RCSD1: variants seen among roughly 807,000 people sequenced by gnomAD.
The protein encoded by RCSD1 is capZ-interacting protein.
Under a neutral mutation model 42.5 loss-of-function variants are expected in RCSD1, and 26 were observed. The observed-to-expected ratio is 0.61, with a 90% CI of 0.45 to 0.85. RCSD1 has a LOEUF of 0.85. RCSD1 is among the 40% of genes least tolerant of loss of function. The pLI is 0.00. For synonymous variants in RCSD1, 220 were observed against 212.2 expected, an observed-to-expected ratio of 1.04 and a Z score of -0.32; for missense variants, 571 against 528.3, an observed-to-expected ratio of 1.08 and a Z score of -0.79.
chr1:167,637,599 A>G (rs1657891646), intron 1 of RCSD1, among the ~76,000 whole-genome samples: 1 of 152,150 alleles, frequency 6.6e-6, no homozygotes, highest in African/African-American at 2.4e-5. Flanking sequence ...GGCCTGCCCC[A>G]AAGGCTCCTG....
Position 167,688,942 on chromosome 1 carries a change from CAT to C in RCSD1, c.199-1106_199-1105del, listed in dbSNP as rs572000004. Among the ~76,000 whole-genome samples, 177 of 152,300 alleles carry C rather than the reference CAT, an allele frequency of 1.2e-3. 1 individual carries two copies. The highest frequency in any genetic ancestry group is 3.7e-3 in the African/African-American group (155 of 41,568). On this transcript the variant is annotated intron_variant, in intron 3 of 6. Transcript: ENST00000367854. ...CATCCTATCACTGTCACCATTCTCA[CAT>C]GTTTGTGGGGATTTTACGCAAAACA...
At chr1:167,680,700 T>C (rs1017875369) in intron 1 of RCSD1, among the ~76,000 whole-genome samples, 1 of 152,192 alleles carries the variant, frequency 6.6e-6, no homozygotes, top group Non-Finnish European at 1.5e-5. Context: ...CTCGAACTCC[T>C]GAGCTCAAGA....
rs114646659 is a variant in RCSD1 at position 167,649,269 on chromosome 1, T to C, written c.6+18840T>C. Among the ~76,000 whole-genome samples, 732 of 152,044 alleles carry C rather than the reference T, an allele frequency of 4.8e-3. 7 individuals are homozygous for C. The highest frequency in any genetic ancestry group is 0.017 in the African/African-American group (702 of 41,472). On this transcript the variant is annotated intron_variant, in intron 1 of 6. Coordinates refer to ENST00000367854, the MANE Select transcript of RCSD1 (RefSeq NM_052862.4). ...GTGTGCAGGATCCAACCAGATTGAG[T>C]TGGTAAGCCAGGCAAGACCTCGAGA...
chr1:167,697,038 G>C, intron 5 of RCSD1, 61 bp from the exon 6 acceptor site: 1 of 1,512,064 alleles, frequency 6.6e-7, no homozygotes, highest in Admixed American at 1.9e-5. Flanking sequence ...AGTGCATACA[G>C]TCCTCCTCTT....
In RCSD1 at chr1:167,668,736, TAAAAAA is replaced by T. The variant is rs57523926; in HGVS notation, c.7-15152_7-15147del. Among the ~76,000 whole-genome samples the T allele has an allele frequency of 3.1e-5, 4 of 130,430 alleles. No homozygotes were observed. In the East Asian group the frequency reaches 8.4e-4, roughly 28 times the overall value. The allele number at this position is 130,430 out of a possible 152,430, so 85.6% of individuals were successfully genotyped here. On this transcript the variant is annotated intron_variant, in intron 1 of 6. Transcript: ENST00000367854. Reference sequence around the variant, plus strand: ...ATGAATGAATATGTCCAAGATGTACTAAAAAAAAAAAAAAAAAGAGGGAGCTGCCAA... The same window carrying T: ...ATGAATGAATATGTCCAAGATGTACTAAAAAAAAAAAGAGGGAGCTGCCAA...
intron 1 of RCSD1, among the ~76,000 whole-genome samples, chr1:167,682,668 A>AGTGT (rs10607777): frequency 0.11 from 15,472 of 142,542 alleles, 836 homozygotes; most frequent in African/African-American, 0.12. Flanking sequence ...GCCATGGAAG[A>AGTGT]GTGTGTGTGT....
At position 167,684,482 on chromosome 1, in the gene RCSD1, G is replaced by A. The variant is rs573907356; in HGVS notation, c.108+481G>A. Among the ~76,000 whole-genome samples, 10 of 151,206 alleles carry A rather than the reference G, an allele frequency of 6.6e-5. No homozygotes were observed. In the East Asian group the frequency reaches 1.6e-3, roughly 24 times the overall value. On this transcript the variant is annotated intron_variant, in intron 2 of 6. Transcript: ENST00000367854. ...CAGGGATCAGGAAGGAAGAGCGTCCGGTGACCAGTAGAGGAAAGTGTGACA... is the reference window on the plus strand; with the variant it reads ...CAGGGATCAGGAAGGAAGAGCGTCCAGTGACCAGTAGAGGAAAGTGTGACA...
At position 167,645,749 on chromosome 1, in the gene RCSD1, G is replaced by C. The variant is rs549702784; in HGVS notation, c.6+15320G>C. Among the ~76,000 whole-genome samples, 4 of 152,338 alleles carry C rather than the reference G, an allele frequency of 2.6e-5. No homozygotes were observed. The South Asian group carries it at 8.3e-4, about 32-fold the overall frequency. ...GTGGAAGACCTCTTAACCCACATGT[G>C]TGGGTGTGGGTGCACATGTGTGTGC... On this transcript the variant is annotated intron_variant, in intron 1 of 6. Coordinates refer to ENST00000367854, the MANE Select transcript of RCSD1 (RefSeq NM_052862.4).
In RCSD1 at chr1:167,697,133, C is replaced by T. The variant is rs1659515157; in HGVS notation, c.509C>T (p.Pro170Leu). ...RTRGSIKRRP[P>L]SRRFRRSQSD... ...AGGGGCTCAATAAAAAGGCGCCCTC[C>T]CTCCAGGCGATTCCGAAGGTCACAG... The change falls in exon 6 of 7, where the codon CCC (proline) becomes CTC (leucine). Residue 170 changes from proline (P) to leucine (L), a missense_variant. Pro to Leu is a moderately conservative substitution (Grantham distance 98). Transcript: ENST00000367854. 6.2e-7 allele frequency: 1 copy of T among 1,613,786 alleles called. No homozygotes were observed. The highest frequency in any genetic ancestry group is 8.5e-7 in the Non-Finnish European group (1 of 1,179,890).
rs559617852 is a variant in RCSD1 at position 167,707,732 on chromosome 1, TCA to T, written c.*3039_*3040del. Among the ~76,000 whole-genome samples the T allele has an allele frequency of 1.6e-4, 25 of 152,100 alleles. No individual in the cohort carries two copies. Among genetic ancestry groups the T allele is most frequent in the Non-Finnish European group, 3.2e-4 (22 of 68,028 alleles). Reference sequence around the variant, plus strand: ...CTCAGGCTGGAGTGCAGTGGCACAATCACAGTTCACTGCAACCTCTGCCTCCT... The same window carrying T: ...CTCAGGCTGGAGTGCAGTGGCACAATCAGTTCACTGCAACCTCTGCCTCCT... On this transcript the variant is annotated 3_prime_UTR_variant, in exon 7 of 7. Coordinates refer to ENST00000367854, the MANE Select transcript of RCSD1 (RefSeq NM_052862.4).
intron 1 of RCSD1, among the ~76,000 whole-genome samples, chr1:167,646,462 A>AAT (rs1658149381): frequency 6.6e-6 from 1 of 151,796 alleles, no homozygotes; most frequent in Non-Finnish European, 1.5e-5. Flanking sequence ...AAAAAAAAAA[A>AAT]AAAAGAAGTA....
Position 167,705,054 on chromosome 1 carries a change from T to TGACCTCCG in RCSD1, c.*358_*359insGACCTCCG, listed in dbSNP as rs1417325647. ...ATCCACACCCACCTATCCCTGCAGC[T>TGACCTCCG]AATTTAGCTGATCTCTAATTTAACT... On this transcript the variant is annotated 3_prime_UTR_variant, in exon 7 of 7. Transcript: ENST00000367854. 5.0e-5 allele frequency: 5 copies of TGACCTCCG among 100,346 alleles called. No individual in the cohort carries two copies. Among genetic ancestry groups the TGACCTCCG allele is most frequent in the Admixed American group, 1.0e-4 (1 of 9,534 alleles). The allele number at this position is 100,346 out of a possible 1,614,324, so 6.2% of individuals were successfully genotyped here. A position where few individuals can be genotyped will look rare whatever the true frequency, so the allele number is the denominator to read the frequency against.
chr1:167,682,642 T>C (rs1312910534), intron 1 of RCSD1, among the ~76,000 whole-genome samples: 1 of 151,370 alleles, frequency 6.6e-6, no homozygotes, highest in Non-Finnish European at 1.5e-5. Context: ...GACACCACTT[T>C]TAGCACAAAA....
rs368340531 is a variant in RCSD1, at chr1:167,697,448, A to T, written c.824A>T (p.His275Leu). ...AGTTCAGAGGAGGTGGACGGCCAGC[A>T]CCCGGCCCAAGAGGAGGTCCCGGAA... ...RRSSEEVDGQ[H>L]PAQEEVPESP... The change falls in exon 6 of 7, where the codon CAC becomes CTC. Residue 275 changes from histidine to leucine, a missense_variant. Transcript: ENST00000367854. The T allele has an allele frequency of 6.2e-7, 1 of 1,611,536 alleles. No homozygotes were observed. The highest frequency in any genetic ancestry group is 1.1e-5 in the South Asian group (1 of 90,714).
At position 167,668,121 on chromosome 1, in the gene RCSD1, G is replaced by A. The variant is rs932462043; in HGVS notation, c.7-15779G>A. On this transcript the variant is annotated intron_variant, in intron 1 of 6. Transcript: ENST00000367854. The stretch of plus-strand genomic sequence containing the variant: ...GCCTGGCCAACATAGTGAAACCCCC[G>A]TCTCTACTAAAAATTAGCAAATTAG... 3.9e-5 allele frequency among the ~76,000 whole-genome samples: 6 copies of A among 151,946 alleles called. 1 individual carries two copies. The highest frequency in any genetic ancestry group is 3.2e-3 in the Middle Eastern group (1 of 316).
intron 2 of RCSD1, among the ~76,000 whole-genome samples, chr1:167,684,796 C>A (rs1415248829): frequency 6.6e-6 from 1 of 152,180 alleles, no homozygotes; most frequent in Non-Finnish European, 1.5e-5. Context: ...ATCGCTTGAA[C>A]CCAGGAGGTG....
At chr1:167,674,998 A>G (rs1658904800) in intron 1 of RCSD1, among the ~76,000 whole-genome samples, 1 of 152,048 alleles carries the variant, frequency 6.6e-6, no homozygotes, top group African/African-American at 2.4e-5. Flanking sequence ...CAAAGTCAGG[A>G]GATCAAGACC....
chr1:167,670,357 GAAAA>G lies in RCSD1; in HGVS notation c.7-13530_7-13527del, dbSNP rs58634704. Among the ~76,000 whole-genome samples, 361 of 132,354 alleles carry G rather than the reference GAAAA, an allele frequency of 2.7e-3. 3 individuals are homozygous for G. Among genetic ancestry groups the G allele is most frequent in the African/African-American group, 9.4e-3 (343 of 36,332 alleles). 86.8% of individuals were successfully genotyped at this position (132,354 alleles called of 152,430 possible). ...TTTCCCACTCTTTCCCTTTGCAAAA[GAAAA>G]AAAAAAAAAAAACCACTCGAGCTGT... is the stretch of plus-strand genomic sequence containing the variant. On this transcript the variant is annotated intron_variant, in intron 1 of 6. Transcript: ENST00000367854.
chr1:167,658,991 A>G (rs1264078126), intron 1 of RCSD1, among the ~76,000 whole-genome samples: 1 of 152,038 alleles, frequency 6.6e-6, no homozygotes, highest in African/African-American at 2.4e-5. Flanking sequence ...AACAAGTCAC[A>G]TTTACTCCAG....
Sources: gnomAD v4.1 joint callset for allele counts (sites outside exome capture counted in the v4.1 genomes callset) on GRCh38, gnomAD v4.1.1 for gene constraint, MANE v1.5 for transcripts, NCBI Gene and HGNC (gene_info 2026-07-23, HGNC 2026-07-21) for gene names.